ARRB1: variants seen among roughly 807,000 people sequenced by gnomAD.
The protein encoded by ARRB1 is arrestin beta 1.
Under a neutral mutation model 56.8 loss-of-function variants are expected in ARRB1, and 21 were observed. The observed-to-expected ratio is 0.37, with a 90% CI of 0.26 to 0.53. ARRB1 has a LOEUF of 0.53. Among genes scored for constraint, ARRB1 ranks in the 20% least tolerant of loss-of-function variants. ARRB1 has a pLI of 0.88. For synonymous variants in ARRB1, 210 were observed against 218.6 expected (o/e 0.96, Z 0.35); for missense variants, 424 against 553.7 (o/e 0.77, Z 2.35).
At position 75,276,923 on chromosome 11, in the gene ARRB1, G is replaced by A; in HGVS notation, c.704-12C>T. 6.2e-7 allele frequency: 1 copy of A among 1,613,900 alleles called. No homozygotes were observed. Among genetic ancestry groups the A allele is most frequent in the Admixed American group, 1.7e-5 (1 of 60,030 alleles). On this transcript the variant is annotated splice_polypyrimidine_tract_variant and intron_variant, in intron 9 of 15. Transcript: ENST00000420843. ...TGCATACTGGCGCACTAGGGAGGGA[G>A]AGGAATCAAGGTGGAGTGAGTCGGG... is the stretch of plus-strand genomic sequence containing the variant.
chr11:75,330,662 G>A (rs953323675), intron 1 of ARRB1, among the ~76,000 whole-genome samples: 2 of 152,212 alleles, frequency 1.3e-5, no homozygotes, highest in African/African-American at 2.4e-5. Context: ...TAAGCTGGAG[G>A]CAGAGAGATC....
chr11:75,275,102 C>G (rs906289546), intron 10 of ARRB1, among the ~76,000 whole-genome samples: 3 of 122,628 alleles, frequency 2.4e-5, no homozygotes, highest in Non-Finnish European at 5.1e-5. Flanking sequence ...GAAACTCTGT[C>G]TCTAAACAAA....
intron 15 of ARRB1, among the ~76,000 whole-genome samples, chr11:75,267,386 G>GGACGAACGGACT (rs1945947091): frequency 6.6e-6 from 1 of 152,158 alleles, no homozygotes; most frequent in African/African-American, 2.4e-5. Context: ...CGCTGTGGAT[G>GGACGAACGGACT]GACGAACGGA....
chr11:75,328,739 C>T (rs1278450188), intron 1 of ARRB1, among the ~76,000 whole-genome samples: 1 of 152,228 alleles, frequency 6.6e-6, no homozygotes, highest in African/African-American at 2.4e-5. Flanking sequence ...GGGATGGGCT[C>T]CTGTCCAGCC....
At chr11:75,318,419 G>A (rs1390316645) in intron 1 of ARRB1, among the ~76,000 whole-genome samples, 6 of 152,154 alleles carry the variant, frequency 3.9e-5, no homozygotes, top group East Asian at 3.9e-4. Context: ...GCTGGGCACG[G>A]TGGCTCATGC....
chr11:75,272,849 G>A lies in ARRB1; in HGVS notation c.998+46C>T, dbSNP rs769228303. 1.3e-5 allele frequency: 21 copies of A among 1,599,066 alleles called. No homozygotes were observed. In the Admixed American group the frequency reaches 2.0e-4, roughly 15 times the overall value. On this transcript the variant is annotated intron_variant, in intron 12 of 15. Coordinates refer to ENST00000420843, the MANE Select transcript of ARRB1 (RefSeq NM_004041.5). ...GCAGGGGCCTGTGGGCACCTGGGAC[G>A]CTCCCCTCTGCACTCCGGGGTCTTG...
intron 1 of ARRB1, among the ~76,000 whole-genome samples, chr11:75,325,374 T>C (rs910203803): frequency 6.6e-6 from 1 of 152,210 alleles, no homozygotes; most frequent in African/African-American, 2.4e-5. Context: ...CAGGCTGGAG[T>C]GCAGTGGCAC....
Position 75,290,097 on chromosome 11 carries a change from C to T in ARRB1, c.21-58G>A, listed in dbSNP as rs950580960. 17 of 1,609,510 alleles carry T rather than the reference C, an allele frequency of 1.1e-5. No individual in the cohort carries two copies. In the African/African-American group the frequency reaches 1.9e-4, roughly 18 times the overall value. On this transcript the variant is annotated intron_variant, in intron 1 of 15. Coordinates refer to ENST00000420843, the MANE Select transcript of ARRB1 (RefSeq NM_004041.5). ...CGCGTATCCTGCCCAGGGGCAAGCT[C>T]CTGCGGGCCACCTTGAGGCAGGACT... is the stretch of plus-strand genomic sequence containing the variant.
intron 1 of ARRB1, among the ~76,000 whole-genome samples, chr11:75,336,182 G>A (rs1947600102): frequency 1.3e-5 from 2 of 152,200 alleles, no homozygotes; most frequent in African/African-American, 2.4e-5. Flanking sequence ...CAGCTACCAA[G>A]GCGGAAGAGT....
intron 1 of ARRB1, among the ~76,000 whole-genome samples, chr11:75,327,568 A>AT (rs1342751090): frequency 6.9e-6 from 1 of 144,032 alleles, no homozygotes; most frequent in Non-Finnish European, 1.5e-5. Context: ...GAGTTTGTTT[A>AT]TTTTTTTGTT....
chr11:75,309,283 G>A (rs1947107247), intron 1 of ARRB1, among the ~76,000 whole-genome samples: 1 of 152,262 alleles, frequency 6.6e-6, no homozygotes, highest in Admixed American at 6.5e-5. Flanking sequence ...GCTTTGCCAG[G>A]CCTCTCTGAG....
chr11:75,317,809 A>G (rs903393246), intron 1 of ARRB1, among the ~76,000 whole-genome samples: 1 of 152,210 alleles, frequency 6.6e-6, no homozygotes, highest in Non-Finnish European at 1.5e-5. Context: ...ATCCGGCTGC[A>G]CAGATGAGGA....
At chr11:75,337,486 T>C (rs796218002) in intron 1 of ARRB1, among the ~76,000 whole-genome samples, 12 of 152,284 alleles carry the variant, frequency 7.9e-5, no homozygotes, top group African/African-American at 2.9e-4. Context: ...CGGGGCTCAC[T>C]TCCTCCAGGG....
chr11:75,319,746 T>TA (rs1947317717), intron 1 of ARRB1, among the ~76,000 whole-genome samples: 1 of 152,094 alleles, frequency 6.6e-6, no homozygotes, highest in Non-Finnish European at 1.5e-5. Flanking sequence ...TGAAGCTCTG[T>TA]AAGCCAGGAG....
intron 1 of ARRB1, among the ~76,000 whole-genome samples, chr11:75,302,496 C>T (rs1946927728): frequency 6.6e-6 from 1 of 152,202 alleles, no homozygotes; most frequent in African/African-American, 2.4e-5. Context: ...CCAAAGAGCC[C>T]ACAGACTGCG....
chr11:75,342,991 T>C (rs1407965177), intron 1 of ARRB1, among the ~76,000 whole-genome samples: 1 of 152,086 alleles, frequency 6.6e-6, no homozygotes, highest in African/African-American at 2.4e-5. Flanking sequence ...AATGATGTCC[T>C]ATGGTCCTCA....
chr11:75,346,451 C>T (rs185092819), intron 1 of ARRB1, among the ~76,000 whole-genome samples: 147 of 152,230 alleles, frequency 9.7e-4, no homozygotes, highest in African/African-American at 3.4e-3. Flanking sequence ...CACTGCCTGC[C>T]GCCATACTGC....
Position 75,271,721 on chromosome 11 carries a change from C to A in ARRB1, c.1002G>T (p.Leu334=). ...KVKLVVSRGG[L]LGDLASSDVA... is the part of the protein sequence containing the mutation. Reference sequence around the variant, plus strand: ...TTTACCTGGATGCAAGATCTCCCAACAGGCTGGGTGGGTCAGAGGAGGCAG... The same window carrying A: ...TTTACCTGGATGCAAGATCTCCCAAAAGGCTGGGTGGGTCAGAGGAGGCAG... Residue 334 remains leucine (L), a synonymous_variant, in exon 13 of 16, where the codon CTG becomes CTT. Coordinates refer to ENST00000420843, the MANE Select transcript of ARRB1 (RefSeq NM_004041.5). 3 of 1,572,668 alleles carry A rather than the reference C, an allele frequency of 1.9e-6. No individual in the cohort carries two copies. The highest frequency in any genetic ancestry group is 2.6e-6 in the Non-Finnish European group (3 of 1,158,532).
chr11:75,296,400 G>A (rs1308025532), intron 1 of ARRB1, among the ~76,000 whole-genome samples: 1 of 152,044 alleles, frequency 6.6e-6, no homozygotes. Context: ...TTCCATCAAG[G>A]TGGTGCCGCC....
Sources: gnomAD v4.1 joint callset for allele counts (sites outside exome capture counted in the v4.1 genomes callset) on GRCh38, gnomAD v4.1.1 for gene constraint, MANE v1.5 for transcripts, NCBI Gene and HGNC (gene_info 2026-07-23, HGNC 2026-07-21) for gene names.